Variants in ZFPM2 observed in about 807,000 individuals in gnomAD.
ZFPM2 encodes the protein zinc finger protein ZFPM2.
Under a neutral mutation model 98.6 loss-of-function variants are expected in ZFPM2, and 20 were observed. That is an observed-to-expected ratio of 0.20 (90% CI 0.14 to 0.29). The LOEUF (loss-of-function observed/expected upper bound fraction) is 0.29, where lower values mean the gene tolerates loss of function less well. Among genes scored for constraint, ZFPM2 ranks in the 10% least tolerant of loss-of-function variants. ZFPM2 has a pLI of 1.00. For missense variants in ZFPM2, 1,310 were observed against 1,388.6 expected (o/e 0.94, Z 0.90); for synonymous variants, 518 against 502.7 (o/e 1.03, Z -0.41).
chr8:105,602,555 G>A (rs1327955738), intron 4 of ZFPM2, among the ~76,000 whole-genome samples: 1 of 152,008 alleles, frequency 6.6e-6, no homozygotes, highest in Non-Finnish European at 1.5e-5. Flanking sequence ...GATTCATTGG[G>A]TTTATGTTCC....
At chr8:105,615,696 A>T (rs1816399153) in intron 4 of ZFPM2, among the ~76,000 whole-genome samples, 1 of 152,164 alleles carries the variant, frequency 6.6e-6, no homozygotes, top group Non-Finnish European at 1.5e-5. Context: ...TTTAGAGTAC[A>T]TGAAAACTTA....
At chr8:105,438,210 G>A (rs888132366) in intron 2 of ZFPM2, among the ~76,000 whole-genome samples, 1 of 152,136 alleles carries the variant, frequency 6.6e-6, no homozygotes, top group Admixed American at 6.5e-5. Flanking sequence ...TTGTTGTCAT[G>A]CTTGTGTGCT....
intron 4 of ZFPM2, among the ~76,000 whole-genome samples, chr8:105,615,186 ACT>A (rs1336518749): frequency 6.6e-6 from 1 of 150,660 alleles, no homozygotes; most frequent in Non-Finnish European, 1.5e-5. Context: ...AAAAAAAAAC[ACT>A]CTTATGGTCT....
chr8:105,587,601 T>C (rs1815750963), intron 4 of ZFPM2, among the ~76,000 whole-genome samples: 1 of 152,094 alleles, frequency 6.6e-6, no homozygotes, highest in African/African-American at 2.4e-5. Flanking sequence ...AAGAAATTGC[T>C]GGTAGGTCTC....
At chr8:105,799,698 ATTAACTTTAAATAAT>A (rs2131171995) in intron 7 of ZFPM2, among the ~76,000 whole-genome samples, 1 of 152,322 alleles carries the variant, frequency 6.6e-6, no homozygotes, top group Admixed American at 6.5e-5. Flanking sequence ...ACAGAATTCT[ATTAACTTTAAATAAT>A]TTTAGGTACA....
chr8:105,726,557 C>T (rs192451445), intron 5 of ZFPM2, among the ~76,000 whole-genome samples: 14 of 151,884 alleles, frequency 9.2e-5, no homozygotes, highest in Admixed American at 3.3e-4. Flanking sequence ...GCAGACGCTT[C>T]GTTTGTTTGT....
At chr8:105,517,763 A>G (rs2130534072) in intron 3 of ZFPM2, among the ~76,000 whole-genome samples, 1 of 141,670 alleles carries the variant, frequency 7.1e-6, no homozygotes, top group East Asian at 2.1e-4. Context: ...GTGTGGGGGC[A>G]TGTGGCTGTA....
chr8:105,464,503 G>A (rs1812760318), intron 3 of ZFPM2, among the ~76,000 whole-genome samples: 1 of 151,888 alleles, frequency 6.6e-6, no homozygotes, highest in South Asian at 2.1e-4. Context: ...TTTCATTAGA[G>A]GGGAAAAAAG....
At position 105,700,741 on chromosome 8, in the gene ZFPM2, G is replaced by A. The variant is rs1209228267; in HGVS notation, c.532+66384G>A. On this transcript the variant is annotated intron_variant, in intron 5 of 7. Coordinates refer to ENST00000407775, the MANE Select transcript of ZFPM2 (RefSeq NM_012082.4). ...CTCCTGAGTAGCTGGGATTACAGCC[G>A]CGCACCACCACGCCTGGCTAATTTT... Among the ~76,000 whole-genome samples the A allele has an allele frequency of 3.9e-5, 6 of 151,996 alleles. No homozygotes were observed. In the East Asian group the frequency reaches 9.7e-4, roughly 24 times the overall value.
At chr8:105,778,778 A>G (rs1233280109) in intron 5 of ZFPM2, among the ~76,000 whole-genome samples, 1 of 152,148 alleles carries the variant, frequency 6.6e-6, no homozygotes, top group Non-Finnish European at 1.5e-5. Flanking sequence ...TGCAAGAGCT[A>G]TTTAAAAATG....
intron 2 of ZFPM2, among the ~76,000 whole-genome samples, chr8:105,425,244 A>G (rs1402435869): frequency 6.6e-6 from 1 of 152,154 alleles, no homozygotes; most frequent in Non-Finnish European, 1.5e-5. Flanking sequence ...AGTTGCGGTA[A>G]GACATGGCCA....
At chr8:105,545,966 T>C (rs1814688387) in intron 3 of ZFPM2, among the ~76,000 whole-genome samples, 1 of 152,134 alleles carries the variant, frequency 6.6e-6, no homozygotes, top group Non-Finnish European at 1.5e-5. Context: ...GACCCACCTT[T>C]GATGTTGCCC....
chr8:105,626,438 C>G (rs1816656765), intron 4 of ZFPM2, among the ~76,000 whole-genome samples: 1 of 152,090 alleles, frequency 6.6e-6, no homozygotes, highest in Admixed American at 6.6e-5. Context: ...GGGTGGAGAA[C>G]TGCTTGGATA....
intron 1 of ZFPM2, chr8:105,319,476 G>T (rs1293273799): frequency 6.6e-6 from 1 of 152,556 alleles, no homozygotes; most frequent in South Asian, 2.1e-4. Context: ...GAAAATCAGA[G>T]CGTCAGGGTC....
intron 1 of ZFPM2, among the ~76,000 whole-genome samples, chr8:105,330,214 A>G (rs149458520): frequency 1.3e-5 from 2 of 151,684 alleles, no homozygotes; most frequent in East Asian, 3.9e-4. Flanking sequence ...TACTCTCTAG[A>G]AATCCTCTAT....
intron 3 of ZFPM2, among the ~76,000 whole-genome samples, chr8:105,560,741 A>C (rs1045534436): frequency 6.6e-6 from 1 of 152,124 alleles, no homozygotes; most frequent in Non-Finnish European, 1.5e-5. Flanking sequence ...CTCTGGAGTA[A>C]ATGAAAGGAA....
At chr8:105,594,298 A>G (rs1197665230) in intron 4 of ZFPM2, among the ~76,000 whole-genome samples, 1 of 152,084 alleles carries the variant, frequency 6.6e-6, no homozygotes, top group African/African-American at 2.4e-5. Flanking sequence ...AATTTCTAGA[A>G]GATTCCTTAT....
chr8:105,336,688 C>CCACACACACA (rs139930523), intron 1 of ZFPM2, among the ~76,000 whole-genome samples: 54 of 142,250 alleles, frequency 3.8e-4, no homozygotes, highest in African/African-American at 6.9e-4. Context: ...GTAATATACT[C>CCACACACACA]CACACACACA....
intron 5 of ZFPM2, among the ~76,000 whole-genome samples, chr8:105,638,992 G>T (rs927543886): frequency 2.0e-5 from 3 of 152,026 alleles, no homozygotes; most frequent in African/African-American, 7.2e-5. Flanking sequence ...GACCAGACCT[G>T]TTGGGTCGTC....
Sources: gnomAD v4.1 joint callset for allele counts (sites outside exome capture counted in the v4.1 genomes callset) on GRCh38, gnomAD v4.1.1 for gene constraint, MANE v1.5 for transcripts, NCBI Gene and HGNC (gene_info 2026-07-23, HGNC 2026-07-21) for gene names.